DRC9: variants seen among roughly 807,000 people sequenced by gnomAD.
The protein encoded by DRC9 is dynein regulatory complex protein 9.
At chr3:197,889,541 C>A in the DRC9 span, 1 of 1,613,196 alleles carries the variant, frequency 6.2e-7, no homozygotes, top group East Asian at 2.2e-5. Context: ...GTCCTTCCCA[C>A]CTCCAGAATA....
chr3:197,939,588 C>T, the DRC9 span, among the ~76,000 whole-genome samples: 9 of 152,258 alleles, frequency 5.9e-5, no homozygotes, highest in Non-Finnish European at 1.3e-4. Context: ...ATTCTGAAGC[C>T]ATGTTTGAAT....
At chr3:197,926,080 T>C in the DRC9 span, 1 of 1,578,426 alleles carries the variant, frequency 6.3e-7, no homozygotes, top group South Asian at 1.1e-5. Context: ...TGAAGTGATA[T>C]TATCTGTTTT....
the DRC9 span, among the ~76,000 whole-genome samples, chr3:197,941,018 C>CGT: frequency 7.0e-3 from 1 of 142 alleles, no homozygotes; most frequent in African/African-American, 0.026. Flanking sequence ...ATTTAGAACA[C>CGT]TGTCATTCTT....
the DRC9 span, among the ~76,000 whole-genome samples, chr3:197,890,123 G>A: frequency 3.3e-5 from 5 of 152,146 alleles, no homozygotes; most frequent in Admixed American, 1.3e-4. Context: ...TGCCAGGTGC[G>A]GTGGCTCATG....
the DRC9 span, chr3:197,953,453 C>T: frequency 1.9e-4 from 85 of 456,744 alleles, 1 homozygote; most frequent in African/African-American, 1.1e-3. Context: ...AGTAAAAGCC[C>T]GTCATTAAGA....
At chr3:197,957,966 C>T in the DRC9 span, 3 of 152,336 alleles carry the variant, frequency 2.0e-5, no homozygotes, top group South Asian at 6.2e-4. Flanking sequence ...GTCCAGAAAA[C>T]TAAAATGCCA....
the DRC9 span, among the ~76,000 whole-genome samples, chr3:197,911,932 G>C: frequency 6.6e-6 from 1 of 151,932 alleles, no homozygotes; most frequent in Non-Finnish European, 1.5e-5. Flanking sequence ...GAGCCACCAT[G>C]TCCGGCCTTT....
the DRC9 span, among the ~76,000 whole-genome samples, chr3:197,901,537 CAA>C: frequency 2.6e-5 from 4 of 152,256 alleles, no homozygotes; most frequent in African/African-American, 4.8e-5. The surrounding 1 kb of genome is among the most constrained non-coding windows in gnomAD (Gnocchi z 4.4). Flanking sequence ...GCATTCACCA[CAA>C]ACTGACTGGA....
At chr3:197,950,338 G>A in the DRC9 span, 2 of 1,226,136 alleles carry the variant, frequency 1.6e-6, no homozygotes, top group African/African-American at 1.6e-5. Context: ...GATTTCTACG[G>A]GTTTCAAGAA....
the DRC9 span, among the ~76,000 whole-genome samples, chr3:197,927,195 A>C: frequency 2.0e-5 from 3 of 152,144 alleles, no homozygotes; most frequent in African/African-American, 7.2e-5. Context: ...AGCTAGGTAA[A>C]GATTTTTACT....
At chr3:197,916,687 CCT>C in the DRC9 span, among the ~76,000 whole-genome samples, 1 of 151,972 alleles carries the variant, frequency 6.6e-6, no homozygotes, top group African/African-American at 2.4e-5. Flanking sequence ...CAAGGAATCC[CCT>C]CTCTCCAGCC....
the DRC9 span, among the ~76,000 whole-genome samples, chr3:197,892,257 C>T: frequency 6.6e-6 from 1 of 152,162 alleles, no homozygotes. Context: ...TAATCACAAG[C>T]TTGTTAGAAA....
the DRC9 span, among the ~76,000 whole-genome samples, chr3:197,928,173 T>A: frequency 6.6e-6 from 1 of 152,194 alleles, no homozygotes; most frequent in Non-Finnish European, 1.5e-5. Flanking sequence ...TAACTATCAT[T>A]GAAATTTTAT....
chr3:197,938,131 C>T, the DRC9 span, among the ~76,000 whole-genome samples: 7 of 152,046 alleles, frequency 4.6e-5, no homozygotes, highest in Non-Finnish European at 7.4e-5. Context: ...GCCTGGCCAA[C>T]ATGGTGAAAC....
At chr3:197,898,770 A>G in the DRC9 span, among the ~76,000 whole-genome samples, 1 of 152,190 alleles carries the variant, frequency 6.6e-6, no homozygotes, top group African/African-American at 2.4e-5. Flanking sequence ...CCATGATTCA[A>G]TGATCTCCAC....
At chr3:197,923,257 T>C in the DRC9 span, among the ~76,000 whole-genome samples, 1 of 152,198 alleles carries the variant, frequency 6.6e-6, no homozygotes, top group Middle Eastern at 3.2e-3. Context: ...CAGTTAGGAC[T>C]ACAGATGTGT....
chr3:197,945,780 G>C, the DRC9 span: 1 of 607,196 alleles, frequency 1.6e-6, no homozygotes, highest in Admixed American at 3.3e-5. Context: ...AAAATTAAAT[G>C]ATTACGGGAG....
the DRC9 span, among the ~76,000 whole-genome samples, chr3:197,906,165 C>T: frequency 6.6e-6 from 1 of 152,160 alleles, no homozygotes; most frequent in Non-Finnish European, 1.5e-5. Flanking sequence ...GTAGAGGGCG[C>T]TGGAGGCACA....
chr3:197,910,982 C>CAAAAAAAAAAAAAAAAA, the DRC9 span, among the ~76,000 whole-genome samples: 1 of 61,508 alleles, frequency 1.6e-5, no homozygotes. Context: ...AAAAACAAAA[C>CAAAAAAAAAAAAAAAAA]AAAAAAAAAA....
Sources: allele counts gnomAD v4.1 joint callset (sites outside exome capture counted in the v4.1 genomes callset), GRCh38; gene constraint gnomAD v4.1.1; non-coding constraint Gnocchi (gnomAD v3.1); transcripts MANE v1.5; gene names NCBI Gene and HGNC (gene_info 2026-07-23, HGNC 2026-07-21).